Variants in MYO3B observed in about 807,000 individuals in gnomAD.
MYO3B encodes myosin-IIIb.
Under a neutral mutation model 174.6 loss-of-function variants are expected in MYO3B, and 156 were observed. That is an observed-to-expected ratio of 0.89 (90% CI 0.78 to 1.02). The LOEUF is 1.02. Ranked by LOEUF, MYO3B falls within the 50% of genes least tolerant of loss-of-function variation. The pLI, the probability that MYO3B is intolerant of heterozygous loss-of-function variation, is 0.00. For missense variants in MYO3B, 1,632 were observed against 1,639.4 expected (o/e 1.00, Z 0.08); for synonymous variants, 563 against 569.1 (o/e 0.99, Z 0.15).
intron 32 of MYO3B, among the ~76,000 whole-genome samples, chr2:170,642,245 C>T (rs2105448171): frequency 6.6e-6 from 1 of 152,256 alleles, no homozygotes; most frequent in East Asian, 1.9e-4. Context: ...GAGAGTGTGC[C>T]AGGCTCTGAG....
intron 7 of MYO3B, among the ~76,000 whole-genome samples, chr2:170,290,835 A>G (rs1246041378): frequency 6.6e-6 from 1 of 151,728 alleles, no homozygotes; most frequent in Non-Finnish European, 1.5e-5. Context: ...TAGTGAATCT[A>G]TTATAGGCAT....
chr2:170,423,660 A>G (rs1475432212), intron 22 of MYO3B, among the ~76,000 whole-genome samples: 2 of 145,174 alleles, frequency 1.4e-5, no homozygotes, highest in African/African-American at 5.1e-5. Flanking sequence ...AGCTCACTGC[A>G]ACCTCCGCCT....
intron 22 of MYO3B, chr2:170,408,602 A>C (rs1344356415): frequency 6.6e-6 from 1 of 152,162 alleles, no homozygotes; most frequent in Non-Finnish European, 1.5e-5. Context: ...CTAGGTCTGG[A>C]AATAGCAGTG....
chr2:170,401,770 A>C, intron 18 of MYO3B, 79 bp downstream of exon 18: 2 of 1,236,926 alleles, frequency 1.6e-6, no homozygotes, highest in Non-Finnish European at 2.3e-6. Flanking sequence ...AAAAGGAAGC[A>C]TTTGGTCCTC....
intron 29 of MYO3B, among the ~76,000 whole-genome samples, chr2:170,517,579 A>G (rs1315975701): frequency 1.3e-5 from 2 of 152,158 alleles, no homozygotes; most frequent in East Asian, 3.8e-4. Flanking sequence ...AGCTTTCCAC[A>G]AGGGCAATAT....
At chr2:170,475,824 T>C (rs1389760682) in intron 25 of MYO3B, among the ~76,000 whole-genome samples, 1 of 152,236 alleles carries the variant, frequency 6.6e-6, no homozygotes, top group African/African-American at 2.4e-5. Context: ...CAATTCCATC[T>C]TGGACATTAA....
chr2:170,402,575 A>T (rs12613549), intron 18 of MYO3B, among the ~76,000 whole-genome samples: 13,741 of 152,142 alleles, frequency 0.09, 793 homozygotes, highest in East Asian at 0.27. Flanking sequence ...AAAGGACTTT[A>T]AAAATTTTAT....
intron 6 of MYO3B, among the ~76,000 whole-genome samples, chr2:170,228,847 A>G (rs1181694429): frequency 6.6e-6 from 1 of 151,100 alleles, no homozygotes; most frequent in African/African-American, 2.4e-5. Flanking sequence ...ATTTCTGACA[A>G]TTTCATAGTG....
chr2:170,398,983 C>T (rs998093573), intron 16 of MYO3B, among the ~76,000 whole-genome samples: 2 of 152,012 alleles, frequency 1.3e-5, no homozygotes, highest in Admixed American at 1.3e-4. Context: ...TGGTGGCTCA[C>T]GCCTGGAATC....
intron 7 of MYO3B, among the ~76,000 whole-genome samples, chr2:170,253,138 G>T (rs1367160135): frequency 6.6e-6 from 1 of 152,218 alleles, no homozygotes; most frequent in Non-Finnish European, 1.5e-5. Flanking sequence ...GAGGTGGTAA[G>T]AGTAGAAGCA....
chr2:170,641,238 A>G (rs1239817755), intron 32 of MYO3B: 1 of 152,226 alleles, frequency 6.6e-6, no homozygotes, highest in East Asian at 1.9e-4. Context: ...AATGGCATGC[A>G]AATAGAAACA....
chr2:170,332,004 C>T (rs751423886), intron 7 of MYO3B: 2 of 152,136 alleles, frequency 1.3e-5, no homozygotes, highest in South Asian at 2.1e-4. Context: ...AGGACCTTTA[C>T]CTTAATTACA....
intron 29 of MYO3B, among the ~76,000 whole-genome samples, chr2:170,519,102 G>A (rs1292045398): frequency 6.6e-6 from 1 of 152,152 alleles, no homozygotes; most frequent in East Asian, 1.9e-4. Flanking sequence ...TCTCTGTCTA[G>A]CACAGTGTTG....
At chr2:170,608,628 C>T (rs1000866703) in intron 32 of MYO3B, among the ~76,000 whole-genome samples, 1 of 151,964 alleles carries the variant, frequency 6.6e-6, no homozygotes, top group African/African-American at 2.4e-5. Flanking sequence ...CAACTTTGCT[C>T]GTGGTCCCAG....
intron 32 of MYO3B, among the ~76,000 whole-genome samples, chr2:170,548,365 A>G (rs549230455): frequency 2.6e-5 from 4 of 152,284 alleles, no homozygotes. Flanking sequence ...TGTCCTAACA[A>G]ACATCCTAGG....
intron 5 of MYO3B, 101 bp downstream of exon 5, chr2:170,214,929 A>T: frequency 3.5e-6 from 3 of 853,786 alleles, no homozygotes; most frequent in Non-Finnish European, 5.7e-6. Flanking sequence ...GCTACACCAT[A>T]GGCTGAGGGA....
At chr2:170,299,195 C>G (rs931474956) in intron 7 of MYO3B, among the ~76,000 whole-genome samples, 4 of 152,142 alleles carry the variant, frequency 2.6e-5, no homozygotes, top group African/African-American at 9.7e-5. Flanking sequence ...TATGAGCTCA[C>G]AGAAGGAGGG....
At chr2:170,356,670 C>T (rs916054487) in intron 8 of MYO3B, among the ~76,000 whole-genome samples, 1 of 152,082 alleles carries the variant, frequency 6.6e-6, no homozygotes, top group Non-Finnish European at 1.5e-5. Context: ...CTGCATGGAG[C>T]CATTTCTATG....
intron 3 of MYO3B, among the ~76,000 whole-genome samples, chr2:170,202,481 T>A (rs2105342147): frequency 6.6e-6 from 1 of 152,290 alleles, no homozygotes; most frequent in Middle Eastern, 3.4e-3. Flanking sequence ...CTCTCTTCAG[T>A]CCCCTAGCCT....
Sources: gnomAD v4.1 joint callset for allele counts (sites outside exome capture counted in the v4.1 genomes callset) on GRCh38, gnomAD v4.1.1 for gene constraint, MANE v1.5 for transcripts, NCBI Gene and HGNC (gene_info 2026-07-23, HGNC 2026-07-21) for gene names.